LRP1B: variants seen among roughly 807,000 people sequenced by gnomAD.
The protein encoded by LRP1B is LDL receptor related protein 1B.
LRP1B carries 217 observed loss-of-function variants against 556.6 expected under a neutral mutation model. That is an observed-to-expected ratio of 0.39 (90% CI 0.35 to 0.44). The LOEUF is 0.44. Ranked by LOEUF, LRP1B falls within the 20% of genes least tolerant of loss-of-function variation. LRP1B has a pLI of 1.00. For synonymous variants in LRP1B, 2,047 were observed against 1,865.8 expected (o/e 1.10, Z -2.50); for missense variants, 5,053 against 5,620.8 (o/e 0.90, Z 3.23).
At chr2:141,962,804 T>C (rs1342078585) in intron 1 of LRP1B, among the ~76,000 whole-genome samples, 2 of 151,848 alleles carry the variant, frequency 1.3e-5, no homozygotes, top group African/African-American at 2.4e-5. Flanking sequence ...GTGAATGACA[T>C]AGCCTTACAC....
intron 1 of LRP1B, among the ~76,000 whole-genome samples, chr2:141,957,656 G>GT (rs1553491367): frequency 1.6e-4 from 25 of 151,996 alleles, no homozygotes; most frequent in Non-Finnish European, 3.1e-4. Context: ...TCCAGTTCTT[G>GT]TTTTTTACAG....
intron 17 of LRP1B, among the ~76,000 whole-genome samples, chr2:140,982,627 A>G (rs941797218): frequency 7.8e-6 from 1 of 128,840 alleles, no homozygotes; most frequent in African/African-American, 3.5e-5. Flanking sequence ...CTTAATTAAC[A>G]AAAAAAGAAT....
At chr2:140,333,886 T>C (rs139825885) in intron 79 of LRP1B, among the ~76,000 whole-genome samples, 1 of 151,890 alleles carries the variant, frequency 6.6e-6, no homozygotes, top group African/African-American at 2.4e-5. Flanking sequence ...ACAGAAAAGA[T>C]CTGAACTTCT....
chr2:141,659,801 A>G (rs1184142739), intron 2 of LRP1B, among the ~76,000 whole-genome samples: 1 of 152,230 alleles, frequency 6.6e-6, no homozygotes, highest in Non-Finnish European at 1.5e-5. Flanking sequence ...TCTCTCATAC[A>G]GGAAGCACTC....
chr2:141,037,625 A>G (rs73962112), intron 11 of LRP1B, among the ~76,000 whole-genome samples: 35,392 of 151,908 alleles, frequency 0.23, 4,826 homozygotes, highest in East Asian at 0.55. Context: ...CAAAAGGCTC[A>G]CAGTAATTCT....
At chr2:140,922,922 A>T (rs2105257942) in intron 21 of LRP1B, 43 bp downstream of exon 21, 1 of 1,566,806 alleles carries the variant, frequency 6.4e-7, no homozygotes. Flanking sequence ...AGGACTCCAC[A>T]CTCAGGGAGA....
intron 2 of LRP1B, among the ~76,000 whole-genome samples, chr2:141,563,170 T>C (rs1686222473): frequency 6.6e-6 from 1 of 151,734 alleles, no homozygotes; most frequent in Non-Finnish European, 1.5e-5. Flanking sequence ...GCAGACAGAG[T>C]AGTTCAGGGT....
At chr2:141,423,196 C>T (rs1006199962) in intron 3 of LRP1B, among the ~76,000 whole-genome samples, 1 of 151,328 alleles carries the variant, frequency 6.6e-6, no homozygotes, top group East Asian at 1.9e-4. Context: ...GTTCACTATG[C>T]ACATGTATTG....
At chr2:142,045,517 G>A (rs1449495) in intron 1 of LRP1B, among the ~76,000 whole-genome samples, 65,279 of 151,270 alleles carry the variant, frequency 0.43, 15,893 homozygotes, top group East Asian at 0.69. Flanking sequence ...ATAGGAATTA[G>A]GTGATGTATG....
At chr2:141,288,214 C>T (rs1334186871) in intron 3 of LRP1B, among the ~76,000 whole-genome samples, 1 of 147,374 alleles carries the variant, frequency 6.8e-6, no homozygotes, top group African/African-American at 2.5e-5. Flanking sequence ...TTATTGTAGA[C>T]ATCTCATATA....
intron 2 of LRP1B, among the ~76,000 whole-genome samples, chr2:141,588,990 A>G (rs2105291323): frequency 6.6e-6 from 1 of 152,310 alleles, no homozygotes; most frequent in Admixed American, 6.5e-5. Context: ...ACAAGTAGAC[A>G]TGTTGAAAAC....
At chr2:142,044,739 G>A (rs759405943) in intron 1 of LRP1B, among the ~76,000 whole-genome samples, 2 of 151,116 alleles carry the variant, frequency 1.3e-5, no homozygotes, top group Non-Finnish European at 3.0e-5. Context: ...TACATCAAGG[G>A]GCATTCTGAT....
At chr2:140,309,958 T>C (rs1684228216) in intron 83 of LRP1B, among the ~76,000 whole-genome samples, 1 of 151,764 alleles carries the variant, frequency 6.6e-6, no homozygotes, top group Admixed American at 6.6e-5. Flanking sequence ...CCTTGGGACA[T>C]ATTTCAAAAA....
At chr2:141,278,050 A>G (rs964529531) in intron 3 of LRP1B, among the ~76,000 whole-genome samples, 1 of 152,236 alleles carries the variant, frequency 6.6e-6, no homozygotes, top group Non-Finnish European at 1.5e-5. Context: ...CAATATTTCA[A>G]CAAGCAAATT....
intron 1 of LRP1B, among the ~76,000 whole-genome samples, chr2:141,916,318 G>A (rs1348620537): frequency 6.6e-6 from 1 of 150,698 alleles, no homozygotes; most frequent in African/African-American, 2.4e-5. Context: ...ATTAACACAG[G>A]AATAGAAAAC....
intron 21 of LRP1B, among the ~76,000 whole-genome samples, chr2:140,918,226 T>C (rs1204990796): frequency 2.0e-5 from 3 of 151,048 alleles, no homozygotes; most frequent in Non-Finnish European, 4.4e-5. Flanking sequence ...GTGTAGAGAA[T>C]GCTTTTTGTA....
chr2:141,599,012 G>T (rs1687624548), intron 2 of LRP1B, among the ~76,000 whole-genome samples: 1 of 99,274 alleles, frequency 1.0e-5, no homozygotes, highest in South Asian at 3.7e-4. Context: ...TAAAAAAATT[G>T]AAAAAAATTG....
chr2:141,214,623 A>C (rs1682714047), intron 6 of LRP1B, among the ~76,000 whole-genome samples: 1 of 152,174 alleles, frequency 6.6e-6, no homozygotes, highest in Non-Finnish European at 1.5e-5. Context: ...CTTGGCTCTA[A>C]TCTTGTTTAA....
chr2:141,996,332 TCTTA>T (rs1480690896), intron 1 of LRP1B, among the ~76,000 whole-genome samples: 2 of 152,130 alleles, frequency 1.3e-5, no homozygotes, highest in East Asian at 3.9e-4. Flanking sequence ...CAACACTGAC[TCTTA>T]CTTGTTGCTT....
Sources: gnomAD v4.1 joint callset for allele counts (sites outside exome capture counted in the v4.1 genomes callset) on GRCh38, gnomAD v4.1.1 for gene constraint, MANE v1.5 for transcripts, NCBI Gene and HGNC (gene_info 2026-07-23, HGNC 2026-07-21) for gene names.